The following ASIC2 variants were observed in gnomAD, a reference collection of about 807,000 sequenced individuals.
ASIC2 encodes the protein acid sensing ion channel subunit 2, also known as acid-sensing ion channel 2.
ASIC2 carries 25 observed loss-of-function variants against 57.3 expected under a neutral mutation model. The observed-to-expected ratio is 0.44, with a 90% confidence interval of 0.32 to 0.61. ASIC2 has a LOEUF of 0.61. Among genes scored for constraint, ASIC2 ranks in the 20% least tolerant of loss-of-function variants. The pLI is 0.06. For synonymous variants in ASIC2, 319 were observed against 307.5 expected, an observed-to-expected ratio of 1.04 and a Z score of -0.39; for missense variants, 641 against 738.1, an observed-to-expected ratio of 0.87 and a Z score of 1.52.
chr17:33,664,420 T>C (rs1391991025), intron 1 of ASIC2, among the ~76,000 whole-genome samples: 1 of 152,198 alleles, frequency 6.6e-6, no homozygotes, highest in African/African-American at 2.4e-5. Flanking sequence ...TTGGCTTATA[T>C]CAATATGCCC....
chr17:33,319,242 C>T (rs965190379), intron 1 of ASIC2, among the ~76,000 whole-genome samples: 1 of 152,154 alleles, frequency 6.6e-6, no homozygotes. Context: ...AAAAATAAAC[C>T]CCCAAAAACT....
At chr17:33,302,003 A>T (rs1158841571) in intron 1 of ASIC2, among the ~76,000 whole-genome samples, 1 of 152,180 alleles carries the variant, frequency 6.6e-6, no homozygotes, top group Non-Finnish European at 1.5e-5. Flanking sequence ...CCTTCTCCTC[A>T]CAGGGGTTTG....
chr17:33,905,536 C>T (rs4795837), intron 1 of ASIC2, among the ~76,000 whole-genome samples: 64,795 of 152,060 alleles, frequency 0.43, 14,042 homozygotes, highest in Admixed American at 0.47. Flanking sequence ...AGTGCCTGTG[C>T]TCTAAAAGAG....
intron 1 of ASIC2, chr17:34,070,433 T>C (rs1909355157): frequency 6.6e-6 from 1 of 152,148 alleles, no homozygotes; most frequent in Non-Finnish European, 1.5e-5. Flanking sequence ...TGGTACCTTC[T>C]AGAAACTCAG....
At chr17:33,406,152 G>C (rs987966223) in intron 1 of ASIC2, among the ~76,000 whole-genome samples, 3 of 152,134 alleles carry the variant, frequency 2.0e-5, no homozygotes, top group African/African-American at 7.2e-5. Context: ...ATATTTCAAT[G>C]TCATTGGCCT....
intron 1 of ASIC2, among the ~76,000 whole-genome samples, chr17:33,573,111 G>A (rs1230083928): frequency 1.3e-5 from 2 of 152,158 alleles, no homozygotes; most frequent in African/African-American, 4.8e-5. Flanking sequence ...TCATCATGAA[G>A]GTGAAATATG....
intron 1 of ASIC2, among the ~76,000 whole-genome samples, chr17:33,842,935 G>T (rs753453373): frequency 2.6e-5 from 4 of 152,208 alleles, no homozygotes; most frequent in Non-Finnish European, 5.9e-5. Context: ...GACAGATTTT[G>T]ATTTGATGAA....
At chr17:33,961,397 T>C (rs780293562) in intron 1 of ASIC2, among the ~76,000 whole-genome samples, 19 of 149,494 alleles carry the variant, frequency 1.3e-4, no homozygotes, top group Non-Finnish European at 2.2e-4. Flanking sequence ...CCATCACAGT[T>C]GGTGGTTGGA....
intron 1 of ASIC2, among the ~76,000 whole-genome samples, chr17:33,186,559 G>T (rs373861323): frequency 1.3e-5 from 2 of 152,172 alleles, no homozygotes; most frequent in Admixed American, 6.5e-5. Context: ...CTCACAATGG[G>T]TCGTAAAGCT....
rs116091834 is a variant in ASIC2, at chr17:33,145,511, C to A, written c.709-33444G>T. Among the ~76,000 whole-genome samples the A allele has an allele frequency of 4.1e-3, 623 of 152,360 alleles. 4 individuals are homozygous for A. Among genetic ancestry groups the A allele is most frequent in the African/African-American group, 0.014 (590 of 41,590 alleles). ...GCAATGGCTTCCTGCAGAGATTAAT[C>A]TCCAGGTTACCTCACTGCTCTCTTT... On this transcript the variant is annotated intron_variant, in intron 1 of 9. Transcript: ENST00000225823.
intron 1 of ASIC2, among the ~76,000 whole-genome samples, chr17:33,928,221 G>A (rs1915863331): frequency 6.6e-6 from 1 of 152,184 alleles, no homozygotes; most frequent in Non-Finnish European, 1.5e-5. Flanking sequence ...ATGCCACCCT[G>A]CTGCCCATTG....
At chr17:33,405,210 T>C (rs1194593753) in intron 1 of ASIC2, among the ~76,000 whole-genome samples, 1 of 152,188 alleles carries the variant, frequency 6.6e-6, no homozygotes, top group Non-Finnish European at 1.5e-5. Context: ...ACCTGGTCTT[T>C]GCCCCCATGG....
chr17:33,976,615 A>AGGAG (rs1905397684), intron 1 of ASIC2: 1 of 152,208 alleles, frequency 6.6e-6, no homozygotes, highest in South Asian at 2.1e-4. Flanking sequence ...CCACTCCAGG[A>AGGAG]GGAGGGCATC....
At chr17:33,392,759 C>T (rs943035989) in intron 1 of ASIC2, among the ~76,000 whole-genome samples, 3 of 152,188 alleles carry the variant, frequency 2.0e-5, no homozygotes, top group Admixed American at 6.5e-5. Context: ...GAGAATGCCC[C>T]TATGACAGTA....
At chr17:33,513,818 C>G (rs1165796646) in intron 1 of ASIC2, among the ~76,000 whole-genome samples, 1 of 152,252 alleles carries the variant, frequency 6.6e-6, no homozygotes, top group Non-Finnish European at 1.5e-5. Context: ...AGAAGGCTCA[C>G]TCCCATCTGT....
chr17:34,132,273 G>A (rs752686674), intron 1 of ASIC2, among the ~76,000 whole-genome samples: 1 of 152,154 alleles, frequency 6.6e-6, no homozygotes, highest in Non-Finnish European at 1.5e-5. Context: ...TGTGGTGAGT[G>A]TTACAGCTCT....
At chr17:34,019,015 C>A (rs1043805503) in intron 1 of ASIC2, among the ~76,000 whole-genome samples, 1 of 152,092 alleles carries the variant, frequency 6.6e-6, no homozygotes, top group Non-Finnish European at 1.5e-5. Flanking sequence ...TCATGCCATT[C>A]TCCTGCCTCA....
At chr17:33,814,932 T>C (rs1912533779) in intron 1 of ASIC2, among the ~76,000 whole-genome samples, 1 of 152,186 alleles carries the variant, frequency 6.6e-6, no homozygotes, top group African/African-American at 2.4e-5. Flanking sequence ...GTTTTATAAA[T>C]GTCAGTTGAA....
intron 1 of ASIC2, among the ~76,000 whole-genome samples, chr17:33,485,251 A>G (rs1049870305): frequency 1.3e-5 from 2 of 152,256 alleles, no homozygotes; most frequent in African/African-American, 2.4e-5. Context: ...TAAAGGGCCT[A>G]GGGAATGTAG....
Sources: allele counts gnomAD v4.1 joint callset (sites outside exome capture counted in the v4.1 genomes callset), GRCh38; gene constraint gnomAD v4.1.1; transcripts MANE v1.5; gene names NCBI Gene and HGNC (gene_info 2026-07-23, HGNC 2026-07-21).